PRIM2: variants seen among roughly 807,000 people sequenced by gnomAD.
PRIM2 encodes the protein DNA primase subunit 2.
A neutral mutation model predicts 67.3 loss-of-function variants in PRIM2; 39 were observed. That is an observed-to-expected ratio of 0.58 (90% CI 0.45 to 0.76). PRIM2 has a LOEUF of 0.76. Ranked by LOEUF, PRIM2 falls within the 30% of genes least tolerant of loss-of-function variation. The probability of loss-of-function intolerance (pLI) is 0.00; values close to 1 mark genes in which losing one functional copy is unlikely to be tolerated. For missense variants in PRIM2, 398 were observed against 598.7 expected, an observed-to-expected ratio of 0.66 and a Z score of 3.50; for synonymous variants, 143 against 198.7, an observed-to-expected ratio of 0.72 and a Z score of 2.36.
At chr6:57,248,691 G>A in the PRIM2 span, among the ~76,000 whole-genome samples, 2 of 152,160 alleles carry the variant, frequency 1.3e-5, no homozygotes, top group Non-Finnish European at 2.9e-5. Flanking sequence ...CAACCAGTCT[G>A]ATCCATTGCA....
intron 10 of PRIM2, among the ~76,000 whole-genome samples, chr6:57,598,494 C>T (rs1370368404): frequency 6.6e-6 from 1 of 152,084 alleles, no homozygotes; most frequent in African/African-American, 2.4e-5. Flanking sequence ...TTTGCTCTTG[C>T]CAGATATCTT....
intron 10 of PRIM2, among the ~76,000 whole-genome samples, chr6:57,595,622 C>T (rs1220474413): frequency 6.6e-6 from 1 of 152,102 alleles, no homozygotes; most frequent in Non-Finnish European, 1.5e-5. Flanking sequence ...CAGTAATGTG[C>T]TAGAGCAGCT....
At chr6:57,416,840 T>C (rs574474808) in intron 7 of PRIM2, among the ~76,000 whole-genome samples, 8 of 152,332 alleles carry the variant, frequency 5.3e-5, no homozygotes, top group African/African-American at 1.9e-4. Context: ...TCAGCCTTTA[T>C]AGAATTGAAG....
At chr6:57,322,022 G>A (rs1767676189) in intron 3 of PRIM2, among the ~76,000 whole-genome samples, 1 of 152,124 alleles carries the variant, frequency 6.6e-6, no homozygotes, top group Non-Finnish European at 1.5e-5. Context: ...TTATAGATAG[G>A]GGCAGAGACC....
chr6:57,490,320 T>C (rs1380109054), intron 7 of PRIM2, among the ~76,000 whole-genome samples: 1 of 152,222 alleles, frequency 6.6e-6, no homozygotes, highest in East Asian at 1.9e-4. Context: ...CCCTTCATCC[T>C]TCTCAAATTC....
intron 7 of PRIM2, among the ~76,000 whole-genome samples, chr6:57,457,809 G>T (rs374570120): frequency 6.6e-6 from 1 of 152,106 alleles, no homozygotes; most frequent in African/African-American, 2.4e-5. Context: ...CCCACTTTCC[G>T]ACACTCACCA....
upstream of PRIM2, among the ~76,000 whole-genome samples, chr6:57,311,979 C>G (rs539999215): frequency 1.7e-3 from 220 of 127,972 alleles, no homozygotes; most frequent in Admixed American, 3.1e-3. Context: ...GCGGTACAGT[C>G]CAGGCTCCGC....
intron 7 of PRIM2, among the ~76,000 whole-genome samples, chr6:57,489,183 T>G (rs1773820889): frequency 6.6e-6 from 1 of 152,286 alleles, no homozygotes; most frequent in Non-Finnish European, 1.5e-5. Flanking sequence ...AGAATTATTC[T>G]TAATTATTGG....
chr6:57,410,385 C>A (rs1233213359), intron 7 of PRIM2, among the ~76,000 whole-genome samples: 1 of 148,364 alleles, frequency 6.7e-6, no homozygotes, highest in African/African-American at 2.5e-5. Context: ...TTTTCTTTTT[C>A]ATTGGATTCC....
chr6:57,516,942 C>T (rs1774499868), intron 8 of PRIM2, among the ~76,000 whole-genome samples: 1 of 152,080 alleles, frequency 6.6e-6, no homozygotes, highest in Admixed American at 6.6e-5. Flanking sequence ...ACGTAGCATC[C>T]TGGAAATAAT....
intron 5 of PRIM2, among the ~76,000 whole-genome samples, chr6:57,378,187 A>G (rs1158254829): frequency 6.6e-6 from 1 of 151,494 alleles, no homozygotes; most frequent in Non-Finnish European, 1.5e-5. Context: ...TAGCCTCCCA[A>G]GTAGCTGAGA....
At chr6:57,413,742 A>C (rs1357306712) in intron 7 of PRIM2, among the ~76,000 whole-genome samples, 1 of 152,154 alleles carries the variant, frequency 6.6e-6, no homozygotes, top group East Asian at 1.9e-4. Flanking sequence ...ATGAATTAAC[A>C]TTAAAAAATC....
rs1424669002 is a variant in PRIM2, at chr6:57,527,864, C to T, written c.762-4547C>T. On this transcript the variant is annotated intron_variant, in intron 8 of 13. Coordinates refer to ENST00000615550, the MANE Select transcript of PRIM2 (RefSeq NM_000947.5). Reference sequence around the variant, plus strand: ...ATTCCTAATTCTGATACTTAACATCCTCATTTCTATCATATTCATCCCCAC... The same window carrying T: ...ATTCCTAATTCTGATACTTAACATCTTCATTTCTATCATATTCATCCCCAC... Among the ~76,000 whole-genome samples the T allele has an allele frequency of 9.4e-3, 1,424 of 152,236 alleles. 24 individuals carry two copies. The highest frequency in any genetic ancestry group is 0.032 in the African/African-American group (1,349 of 41,518).
chr6:57,285,081 C>T, the PRIM2 span, among the ~76,000 whole-genome samples: 95 of 152,186 alleles, frequency 6.2e-4, 1 homozygote, highest in African/African-American at 2.2e-3. Flanking sequence ...AGGAAGAAGT[C>T]GAATCCCTGA....
the PRIM2 span, among the ~76,000 whole-genome samples, chr6:57,298,366 A>C: frequency 3.3e-5 from 5 of 151,598 alleles, no homozygotes; most frequent in African/African-American, 1.2e-4. Context: ...GTCTCAAAAC[A>C]AAACAAAACA....
intron 10 of PRIM2, among the ~76,000 whole-genome samples, chr6:57,599,374 A>G (rs1776422211): frequency 6.6e-6 from 1 of 151,534 alleles, no homozygotes; most frequent in African/African-American, 2.4e-5. Context: ...ATTTAAAAAT[A>G]AGAACTTCCA....
chr6:57,496,538 A>G (rs1438123508), intron 7 of PRIM2, among the ~76,000 whole-genome samples: 1 of 152,184 alleles, frequency 6.6e-6, no homozygotes, highest in Non-Finnish European at 1.5e-5. Context: ...TCTATGAGAA[A>G]CTTCCACATA....
chr6:57,542,519 T>C (rs1775182909), intron 10 of PRIM2, among the ~76,000 whole-genome samples: 1 of 152,230 alleles, frequency 6.6e-6, no homozygotes, highest in Non-Finnish European at 1.5e-5. Flanking sequence ...AGTCTTTTTT[T>C]TAACTTGTAT....
intron 5 of PRIM2, among the ~76,000 whole-genome samples, chr6:57,343,097 G>A (rs1768545954): frequency 6.6e-6 from 1 of 152,134 alleles, no homozygotes; most frequent in Non-Finnish European, 1.5e-5. Context: ...GGAACATTGA[G>A]TTTACGTTGA....
Sources: gnomAD v4.1 joint callset for allele counts (sites outside exome capture counted in the v4.1 genomes callset) on GRCh38, gnomAD v4.1.1 for gene constraint, MANE v1.5 for transcripts, NCBI Gene and HGNC (gene_info 2026-07-23, HGNC 2026-07-21) for gene names.